CDH13: variants seen among roughly 807,000 people sequenced by gnomAD.
CDH13 encodes cadherin 13, also known as cadherin-13.
A neutral mutation model predicts 63.8 loss-of-function variants in CDH13; 24 were observed. The ratio of observed to expected loss-of-function variants is 0.38; its 90% CI spans 0.27 to 0.53. The LOEUF is 0.53. CDH13 is among the 20% of genes least tolerant of loss of function. The pLI, the probability that CDH13 is intolerant of heterozygous loss-of-function variation, is 0.85. For synonymous variants in CDH13, 503 were observed against 355.3 expected (o/e 1.42, Z -4.67); for missense variants, 1,049 against 903.1 (o/e 1.16, Z -2.07).
intron 4 of CDH13, among the ~76,000 whole-genome samples, chr16:83,197,215 T>C (rs1396765329): frequency 6.6e-6 from 1 of 152,160 alleles, no homozygotes; most frequent in Non-Finnish European, 1.5e-5. Context: ...TCCATTTATA[T>C]GATATTTTCT....
intron 5 of CDH13, among the ~76,000 whole-genome samples, chr16:83,267,861 C>G (rs1385057842): frequency 1.3e-5 from 2 of 152,324 alleles, no homozygotes; most frequent in South Asian, 4.1e-4. Flanking sequence ...TTTATCACCA[C>G]TTTCCCAGAA....
chr16:82,877,535 T>G (rs990159651), intron 2 of CDH13, among the ~76,000 whole-genome samples: 1 of 152,188 alleles, frequency 6.6e-6, no homozygotes, highest in Non-Finnish European at 1.5e-5. Flanking sequence ...CCCAAACTTC[T>G]GTCTGTGGAA....
At chr16:83,282,044 T>G (rs893882065) in intron 5 of CDH13, among the ~76,000 whole-genome samples, 4 of 152,176 alleles carry the variant, frequency 2.6e-5, no homozygotes, top group African/African-American at 9.7e-5. Context: ...TTGGCTTAAT[T>G]TAAATATTGT....
chr16:82,632,851 C>A (rs1908181762), intron 1 of CDH13, among the ~76,000 whole-genome samples: 1 of 151,950 alleles, frequency 6.6e-6, no homozygotes, highest in Non-Finnish European at 1.5e-5. Flanking sequence ...TGTTTTTCTG[C>A]CACTAGATGG....
intron 6 of CDH13, among the ~76,000 whole-genome samples, chr16:83,397,651 T>G (rs1490977999): frequency 6.6e-6 from 1 of 152,216 alleles, no homozygotes; most frequent in Non-Finnish European, 1.5e-5. Context: ...CTTGAAGAGT[T>G]GCTTATTTGA....
chr16:83,401,536 TA>T (rs2091968275), intron 6 of CDH13, among the ~76,000 whole-genome samples: 1 of 151,732 alleles, frequency 6.6e-6, no homozygotes, highest in African/African-American at 2.4e-5. Context: ...TAAAATAAAA[TA>T]AAAATAATCT....
At chr16:82,745,663 C>A in intron 1 of CDH13, among the ~76,000 whole-genome samples, 1 of 152,250 alleles carries the variant, frequency 6.6e-6, no homozygotes, top group South Asian at 2.1e-4. Context: ...CGTAGGTCAT[C>A]GTCACCTTTT....
At chr16:83,751,907 A>T (rs990195652) in intron 11 of CDH13, among the ~76,000 whole-genome samples, 1 of 152,246 alleles carries the variant, frequency 6.6e-6, no homozygotes, top group African/African-American at 2.4e-5. Flanking sequence ...TCCCAGAAGA[A>T]GCTGGCAAGA....
intron 1 of CDH13, among the ~76,000 whole-genome samples, chr16:82,722,578 C>T (rs1257747395): frequency 6.6e-6 from 1 of 152,090 alleles, no homozygotes; most frequent in Non-Finnish European, 1.5e-5. Context: ...ATGGAGTCAC[C>T]CTTATTTTCA....
rs562829830 is a variant in CDH13 at position 83,338,200 on chromosome 16, A to AC, written c.637-6662_637-6661insC. Among the ~76,000 whole-genome samples the AC allele has an allele frequency of 9.3e-3, 1,419 of 151,784 alleles. 12 individuals carry two copies. The highest frequency in any genetic ancestry group is 0.027 in the Middle Eastern group (8 of 292). The stretch of plus-strand genomic sequence containing the variant: ...TCTTCTTTTTAAAAAAAAAAAAAAA[A>AC]AAACAAGTAATCAGTTTAATGTACT... On this transcript the variant is annotated intron_variant, in intron 5 of 13. Transcript: ENST00000567109.
At chr16:82,730,134 C>G (rs1173938851) in intron 1 of CDH13, among the ~76,000 whole-genome samples, 1 of 152,176 alleles carries the variant, frequency 6.6e-6, no homozygotes, top group African/African-American at 2.4e-5. Context: ...ACTTTTATAT[C>G]ATTTGAGTTT....
At chr16:83,201,630 G>A (rs1029066401) in intron 4 of CDH13, among the ~76,000 whole-genome samples, 1 of 152,034 alleles carries the variant, frequency 6.6e-6, no homozygotes, top group African/African-American at 2.4e-5. Context: ...GGGCACGGTG[G>A]CTCACGCCTG....
chr16:83,514,169 C>T (rs1306848642), intron 7 of CDH13, among the ~76,000 whole-genome samples: 1 of 152,178 alleles, frequency 6.6e-6, no homozygotes, highest in African/African-American at 2.4e-5. Flanking sequence ...GCACTTAATC[C>T]TCACAATTAC....
At chr16:83,501,548 A>T (rs994648369) in intron 7 of CDH13, among the ~76,000 whole-genome samples, 19 of 152,342 alleles carry the variant, frequency 1.2e-4, no homozygotes, top group African/African-American at 4.3e-4. Context: ...GCCACCATGT[A>T]AACAATTACG....
intron 1 of CDH13, among the ~76,000 whole-genome samples, chr16:82,777,775 G>T (rs1051511508): frequency 7.9e-5 from 12 of 152,156 alleles, no homozygotes; most frequent in African/African-American, 2.9e-4. Context: ...CTCATTCATG[G>T]GATTGCTGGC....
chr16:83,643,873 C>T (rs1371648101), intron 8 of CDH13, among the ~76,000 whole-genome samples: 7 of 152,208 alleles, frequency 4.6e-5, no homozygotes, highest in Non-Finnish European at 1.0e-4. Context: ...GTCCACTGTA[C>T]AGCCACCTAC....
At chr16:83,685,812 A>AC in intron 10 of CDH13, among the ~76,000 whole-genome samples, 1 of 152,172 alleles carries the variant, frequency 6.6e-6, no homozygotes, top group Admixed American at 6.5e-5. Flanking sequence ...TCCGCCAGAA[A>AC]CCCTGCTTTC....
intron 2 of CDH13, among the ~76,000 whole-genome samples, chr16:82,881,097 T>C (rs556858872): frequency 2.8e-4 from 42 of 152,188 alleles, no homozygotes; most frequent in Non-Finnish European, 4.8e-4. Context: ...TTAGTATTGT[T>C]TTTTTCTTTA....
At chr16:83,222,841 C>A (rs768150615) in intron 5 of CDH13, among the ~76,000 whole-genome samples, 1 of 152,134 alleles carries the variant, frequency 6.6e-6, no homozygotes, top group Non-Finnish European at 1.5e-5. Context: ...AGGAAATACC[C>A]ACATATGAAA....
Sources: gnomAD v4.1 joint callset for allele counts (sites outside exome capture counted in the v4.1 genomes callset) on GRCh38, gnomAD v4.1.1 for gene constraint, MANE v1.5 for transcripts, NCBI Gene and HGNC (gene_info 2026-07-23, HGNC 2026-07-21) for gene names.